Variants in LINGO2 observed in about 807,000 individuals in gnomAD.
LINGO2 encodes the protein leucine rich repeat and Ig domain containing 2.
A neutral mutation model predicts 30.6 loss-of-function variants in LINGO2; 14 were observed. The observed-to-expected ratio is 0.46, with a 90% CI of 0.30 to 0.72. The LOEUF is 0.72. Among genes scored for constraint, LINGO2 ranks in the 30% least tolerant of loss-of-function variants. The pLI is 0.07. For synonymous variants in LINGO2, 317 were observed against 288.5 expected (o/e 1.10, Z -1.00); for missense variants, 729 against 751.7 (o/e 0.97, Z 0.35).
At chr9:28,714,069 G>A in the LINGO2 span, among the ~76,000 whole-genome samples, 2 of 151,442 alleles carry the variant, frequency 1.3e-5, no homozygotes, top group African/African-American at 4.9e-5. Context: ...TGAGGCAGGA[G>A]AATCGCTTGA....
chr9:29,164,588 G>A, the LINGO2 span, among the ~76,000 whole-genome samples: 1 of 135,560 alleles, frequency 7.4e-6, no homozygotes, highest in East Asian at 2.2e-4. Flanking sequence ...TGGGTGGGGG[G>A]TTGGGGGTAA....
intron 3 of LINGO2, among the ~76,000 whole-genome samples, chr9:28,355,205 A>G: frequency 6.6e-6 from 1 of 151,626 alleles, no homozygotes; most frequent in Non-Finnish European, 1.5e-5. Flanking sequence ...AGGTTGTATT[A>G]TAAATCTCAA....
At chr9:28,341,419 C>A (rs562025258) in intron 3 of LINGO2, among the ~76,000 whole-genome samples, 2 of 152,092 alleles carry the variant, frequency 1.3e-5, no homozygotes, top group South Asian at 4.1e-4. Flanking sequence ...TATTATTTCA[C>A]AAAATACAAC....
chr9:28,648,958 T>G (rs575133224), intron 1 of LINGO2, among the ~76,000 whole-genome samples: 1 of 152,048 alleles, frequency 6.6e-6, no homozygotes, highest in Non-Finnish European at 1.5e-5. Context: ...TGATCAGAGA[T>G]AACCAGGTTT....
At chr9:28,021,198 T>A (rs1172675475) in intron 4 of LINGO2, among the ~76,000 whole-genome samples, 1 of 152,186 alleles carries the variant, frequency 6.6e-6, no homozygotes, top group Non-Finnish European at 1.5e-5. Context: ...TTTTTCTGTA[T>A]CATACATTTT....
the LINGO2 span, among the ~76,000 whole-genome samples, chr9:29,056,150 C>A: frequency 6.6e-6 from 1 of 151,924 alleles, no homozygotes; most frequent in Admixed American, 6.6e-5. Context: ...ATTGCTGGAT[C>A]AAATGGTAGT....
rs72304845 is a variant in LINGO2 at position 28,312,155 on chromosome 9, CT to C, written c.-245-16790del. On this transcript the variant is annotated intron_variant, in intron 3 of 5. Coordinates refer to ENST00000379992, the Ensembl canonical transcript of LINGO2. ...AGATGTTTTAGATGTTTTCTTTTTT[CT>C]TTTTTTTGTATCCAGATACCAATAA... 0.015 allele frequency among the ~76,000 whole-genome samples: 2,150 copies of C among 143,314 alleles called. 130 individuals are homozygous for C. The East Asian group carries it at 0.16, about 10-fold the overall frequency. 94.0% of individuals were successfully genotyped at this position (143,314 alleles called of 152,430 possible).
intron 1 of LINGO2, among the ~76,000 whole-genome samples, chr9:28,537,010 T>C (rs1041225936): frequency 1.3e-5 from 2 of 151,984 alleles, no homozygotes; most frequent in African/African-American, 2.4e-5. Flanking sequence ...ATGTGACTAG[T>C]GTCCTTATTT....
the LINGO2 span, among the ~76,000 whole-genome samples, chr9:28,775,205 A>G: frequency 6.6e-6 from 1 of 152,170 alleles, no homozygotes; most frequent in Non-Finnish European, 1.5e-5. Context: ...TTCTTAGCAC[A>G]GGAAAGGTCC....
At chr9:28,882,820 C>T in the LINGO2 span, among the ~76,000 whole-genome samples, 1 of 152,118 alleles carries the variant, frequency 6.6e-6, no homozygotes, top group African/African-American at 2.4e-5. Flanking sequence ...AATTTTCATT[C>T]CCTAAATGTC....
the LINGO2 span, among the ~76,000 whole-genome samples, chr9:28,875,677 T>A: frequency 6.6e-6 from 1 of 152,240 alleles, no homozygotes; most frequent in South Asian, 2.1e-4. Flanking sequence ...TGAGGCCTGT[T>A]ACTTTTTAGA....
rs75254574 is a variant in LINGO2, at chr9:28,180,796, C to T, written c.-87+114412G>A. Among the ~76,000 whole-genome samples the T allele has an allele frequency of 3.6e-4, 54 of 152,088 alleles. No homozygotes were observed. In the East Asian group the frequency reaches 0.01, roughly 29 times the overall value. On this transcript the variant is annotated intron_variant, in intron 4 of 5. Coordinates refer to ENST00000379992, the Ensembl canonical transcript of LINGO2. Reference sequence around the variant, plus strand: ...AAGAGAACCCCAAGAAAGAGAACCCCAAGAGTGTCACATACATCAAACATT... The same window carrying T: ...AAGAGAACCCCAAGAAAGAGAACCCTAAGAGTGTCACATACATCAAACATT...
intron 1 of LINGO2, among the ~76,000 whole-genome samples, chr9:28,511,195 T>C (rs1011881843): frequency 1.3e-5 from 2 of 152,142 alleles, no homozygotes; most frequent in Admixed American, 6.5e-5. Context: ...CGTTGTCAAA[T>C]TGGCAGAAGC....
the LINGO2 span, among the ~76,000 whole-genome samples, chr9:28,921,147 G>A: frequency 1.3e-5 from 2 of 152,136 alleles, no homozygotes; most frequent in Admixed American, 6.6e-5. Flanking sequence ...ATTGGACATA[G>A]TGAGAAAAAA....
chr9:28,031,267 T>G (rs1823655374), intron 4 of LINGO2, among the ~76,000 whole-genome samples: 1 of 151,844 alleles, frequency 6.6e-6, no homozygotes, highest in African/African-American at 2.4e-5. Context: ...ACTCACTAAA[T>G]AAAATGGGAC....
intron 5 of LINGO2, among the ~76,000 whole-genome samples, chr9:27,991,462 TC>T (rs1259578076): frequency 6.6e-6 from 1 of 152,044 alleles, no homozygotes; most frequent in African/African-American, 2.4e-5. Flanking sequence ...GTTCAGAGGT[TC>T]GCCAGGGCTC....
chr9:28,692,792 CA>C, the LINGO2 span, among the ~76,000 whole-genome samples: 2 of 152,108 alleles, frequency 1.3e-5, no homozygotes, highest in African/African-American at 2.4e-5. Context: ...ATCTTAGTCA[CA>C]AGTGATTTCT....
intron 4 of LINGO2, among the ~76,000 whole-genome samples, chr9:28,033,981 T>C (rs1823808765): frequency 6.6e-6 from 1 of 152,214 alleles, no homozygotes; most frequent in Non-Finnish European, 1.5e-5. Context: ...GAAGGGGCTG[T>C]TCATTTGTAT....
intron 5 of LINGO2, among the ~76,000 whole-genome samples, chr9:28,007,558 T>C (rs1822328018): frequency 6.6e-6 from 1 of 152,134 alleles, no homozygotes; most frequent in Non-Finnish European, 1.5e-5. Context: ...TATTGATAAT[T>C]AAGATAAAAT....
Sources: gnomAD v4.1 joint callset for allele counts (sites outside exome capture counted in the v4.1 genomes callset) on GRCh38, gnomAD v4.1.1 for gene constraint, MANE v1.5 for transcripts, NCBI Gene and HGNC (gene_info 2026-07-23, HGNC 2026-07-21) for gene names.